STAU2: variants seen among roughly 807,000 people sequenced by gnomAD.
STAU2 encodes staufen double-stranded RNA binding protein 2.
A neutral mutation model predicts 65.9 loss-of-function variants in STAU2; 20 were observed. The ratio of observed to expected loss-of-function variants is 0.30; its 90% confidence interval spans 0.21 to 0.44. The LOEUF is 0.44. Among genes scored for constraint, STAU2 ranks in the 20% least tolerant of loss-of-function variants. The pLI is 1.00. For missense variants in STAU2, 558 were observed against 683.9 expected, an observed-to-expected ratio of 0.82 and a Z score of 2.05; for synonymous variants, 232 against 233.9, an observed-to-expected ratio of 0.99 and a Z score of 0.07.
intron 3 of STAU2, among the ~76,000 whole-genome samples, chr8:73,721,869 G>T (rs1417715974): frequency 6.6e-6 from 1 of 152,098 alleles, no homozygotes; most frequent in Non-Finnish European, 1.5e-5. Context: ...CCTTTAAACT[G>T]GAGTGTTTAG....
intron 5 of STAU2, among the ~76,000 whole-genome samples, chr8:73,681,433 T>C (rs1207197761): frequency 6.6e-6 from 1 of 152,170 alleles, no homozygotes; most frequent in Non-Finnish European, 1.5e-5. Context: ...AATTTGCCAC[T>C]ATCAAGTCAG....
intron 12 of STAU2, among the ~76,000 whole-genome samples, chr8:73,582,199 G>A (rs1810036613): frequency 6.6e-6 from 1 of 152,038 alleles, no homozygotes; most frequent in Non-Finnish European, 1.5e-5. Context: ...GAACAAAGCA[G>A]CAATTTTATT....
At chr8:73,435,382 C>G (rs935349357) in intron 13 of STAU2, among the ~76,000 whole-genome samples, 3 of 151,918 alleles carry the variant, frequency 2.0e-5, no homozygotes, top group Non-Finnish European at 2.9e-5. Flanking sequence ...TATTCCTCAG[C>G]TGATGACCCA....
At chr8:73,745,860 GGCCATTACCCCCACC>G (rs1246895804) in intron 1 of STAU2, among the ~76,000 whole-genome samples, 1 of 151,914 alleles carries the variant, frequency 6.6e-6, no homozygotes, top group East Asian at 1.9e-4. Flanking sequence ...AGAATCCCAC[GGCCATTACCCCCACC>G]GCCTCCCTAA....
intron 6 of STAU2, among the ~76,000 whole-genome samples, chr8:73,662,141 G>A (rs117226140): frequency 1.3e-5 from 2 of 152,152 alleles, no homozygotes; most frequent in East Asian, 3.9e-4. Context: ...GCATTTCCCT[G>A]ATGACTAATC....
intron 6 of STAU2, among the ~76,000 whole-genome samples, chr8:73,659,718 A>T (rs911873676): frequency 6.6e-6 from 1 of 152,230 alleles, no homozygotes; most frequent in Admixed American, 6.5e-5. Flanking sequence ...TGAGCAACAG[A>T]TTAATAAAAC....
At chr8:73,594,478 T>G (rs1811043302) in intron 11 of STAU2, among the ~76,000 whole-genome samples, 1 of 152,190 alleles carries the variant, frequency 6.6e-6, no homozygotes. Context: ...AATGTTCACA[T>G]AAATAAAATG....
intron 2 of STAU2, among the ~76,000 whole-genome samples, 178 bp downstream of exon 2, chr8:73,739,578 T>C (rs1806692065): frequency 6.6e-6 from 1 of 152,206 alleles, no homozygotes; most frequent in South Asian, 2.1e-4. Context: ...CTAGAGTCCA[T>C]TCAAAATGAC....
intron 6 of STAU2, among the ~76,000 whole-genome samples, chr8:73,648,724 C>T (rs1357548154): frequency 1.3e-5 from 2 of 152,148 alleles, no homozygotes; most frequent in Non-Finnish European, 2.9e-5. Context: ...TTTTTCTTTA[C>T]TGTAAATGGT....
intron 4 of STAU2, among the ~76,000 whole-genome samples, chr8:73,691,382 G>A (rs1819312652): frequency 6.6e-6 from 1 of 151,922 alleles, no homozygotes; most frequent in Non-Finnish European, 1.5e-5. Context: ...CACCTCCTTG[G>A]TCTAAGGTTT....
intron 12 of STAU2, among the ~76,000 whole-genome samples, chr8:73,563,318 GC>G (rs1009707039): frequency 1.2e-4 from 19 of 152,220 alleles, no homozygotes; most frequent in Admixed American, 1.1e-3. Flanking sequence ...GTAATAGGAT[GC>G]CCCCCACCTC....
At chr8:73,697,803 G>A (rs761594372) in intron 4 of STAU2, among the ~76,000 whole-genome samples, 9 of 152,114 alleles carry the variant, frequency 5.9e-5, no homozygotes, top group East Asian at 3.9e-4. Context: ...TATTTGCACC[G>A]GCGCAGTGGC....
chr8:73,533,002 T>C (rs1279841061), intron 13 of STAU2, among the ~76,000 whole-genome samples: 1 of 152,210 alleles, frequency 6.6e-6, no homozygotes, highest in Non-Finnish European at 1.5e-5. Flanking sequence ...CCTGTCTCCC[T>C]AAAATGTAAC....
intron 12 of STAU2, among the ~76,000 whole-genome samples, chr8:73,577,624 C>G (rs1045842817): frequency 6.6e-6 from 1 of 152,014 alleles, no homozygotes; most frequent in African/African-American, 2.4e-5. Context: ...TAGCCAAGCC[C>G]TACAAAGAAA....
At chr8:73,445,735 T>C (rs185977941) in intron 13 of STAU2, among the ~76,000 whole-genome samples, 3 of 152,318 alleles carry the variant, frequency 2.0e-5, no homozygotes, top group Admixed American at 1.3e-4. Context: ...GATTTACGGA[T>C]GGCAAACATG....
At chr8:73,659,150 G>A (rs920597264) in intron 6 of STAU2, among the ~76,000 whole-genome samples, 2 of 152,042 alleles carry the variant, frequency 1.3e-5, no homozygotes, top group African/African-American at 2.4e-5. Flanking sequence ...AAAGTTTTTC[G>A]GAATTTTTAG....
In STAU2 at chr8:73,488,297, T is replaced by C. The variant is rs527597055; in HGVS notation, c.1530+63715A>G. Among the ~76,000 whole-genome samples, 3 of 152,192 alleles carry C rather than the reference T, an allele frequency of 2.0e-5. No homozygotes were observed. In the South Asian group the frequency reaches 6.2e-4, roughly 32 times the overall value. ...AGCGCTTTTGACACTATGTTTATATTCCAGTTGTGAATGTTCAAATATAAA... is the reference window on the plus strand; with the variant it reads ...AGCGCTTTTGACACTATGTTTATATCCCAGTTGTGAATGTTCAAATATAAA... On this transcript the variant is annotated intron_variant, in intron 13 of 14. Coordinates refer to ENST00000524300, the MANE Select transcript of STAU2 (RefSeq NM_001164380.2).
chr8:73,563,174 T>A (rs1341447965), intron 12 of STAU2, among the ~76,000 whole-genome samples: 1 of 152,182 alleles, frequency 6.6e-6, no homozygotes, highest in Non-Finnish European at 1.5e-5. Context: ...CTTGCAAAGC[T>A]GTAACAACTC....
chr8:73,490,177 C>A (rs937574435), intron 13 of STAU2, among the ~76,000 whole-genome samples: 1 of 151,950 alleles, frequency 6.6e-6, no homozygotes, highest in African/African-American at 2.4e-5. Context: ...GATGGATGTT[C>A]GTGTAAATGA....
Sources: gnomAD v4.1 joint callset for allele counts (sites outside exome capture counted in the v4.1 genomes callset) on GRCh38, gnomAD v4.1.1 for gene constraint, MANE v1.5 for transcripts, NCBI Gene and HGNC (gene_info 2026-07-23, HGNC 2026-07-21) for gene names.